MBNL1: variants seen among roughly 807,000 people sequenced by gnomAD.
MBNL1 encodes the protein muscleblind like splicing regulator 1.
A neutral mutation model predicts 42.2 loss-of-function variants in MBNL1; 8 were observed. The observed-to-expected ratio is 0.19, with a 90% CI of 0.11 to 0.34. The LOEUF is 0.34. Ranked by LOEUF, MBNL1 falls within the 10% of genes least tolerant of loss-of-function variation. MBNL1 has a pLI of 1.00. For missense variants in MBNL1, 309 were observed against 495.3 expected, an observed-to-expected ratio of 0.62 and a Z score of 3.57; for synonymous variants, 169 against 173.9, an observed-to-expected ratio of 0.97 and a Z score of 0.22.
intron 2 of MBNL1, among the ~76,000 whole-genome samples, chr3:152,405,989 T>G (rs181537008): frequency 2.6e-5 from 4 of 152,302 alleles, no homozygotes; most frequent in Admixed American, 2.6e-4. Context: ...AGAAACATAG[T>G]GATCTGCCAT....
rs187886754 is a variant in MBNL1, at chr3:152,418,196, C to T, written c.345+3085C>T. 1.1e-4 allele frequency among the ~76,000 whole-genome samples: 17 copies of T among 152,236 alleles called. No homozygotes were observed. The East Asian group carries it at 2.1e-3, about 19-fold the overall frequency. On this transcript the variant is annotated intron_variant, in intron 3 of 9. Transcript: ENST00000324210. The stretch of plus-strand genomic sequence containing the variant: ...ACCATCCTTTAAAGTAGTAATGTTA[C>T]CCTAAATTTAGAGATAGACTGAGAA...
intron 2 of MBNL1, among the ~76,000 whole-genome samples, chr3:152,345,247 A>G (rs368522248): frequency 6.6e-6 from 1 of 152,144 alleles, no homozygotes; most frequent in Non-Finnish European, 1.5e-5. Context: ...GAAATAACTT[A>G]GATACCTTGA....
At position 152,389,783 on chromosome 3, in the gene MBNL1, A is replaced by G. The variant is rs561879945; in HGVS notation, c.175-25158A>G. Among the ~76,000 whole-genome samples, 4 of 152,332 alleles carry G rather than the reference A, an allele frequency of 2.6e-5. No homozygotes were observed. In the South Asian group the frequency reaches 8.3e-4, roughly 32 times the overall value. ...GTGAAGGCCTCAGAGATTACTATACATGACTGTTGGCTTTACAAACACTGT... is the reference window on the plus strand; with the variant it reads ...GTGAAGGCCTCAGAGATTACTATACGTGACTGTTGGCTTTACAAACACTGT... On this transcript the variant is annotated intron_variant, in intron 2 of 9. Transcript: ENST00000324210.
At chr3:152,274,326 C>A (rs956354444) in intron 1 of MBNL1, among the ~76,000 whole-genome samples, 1 of 151,982 alleles carries the variant, frequency 6.6e-6, no homozygotes, top group Non-Finnish European at 1.5e-5. Context: ...TGAAAAAATA[C>A]CACAGTAGAC....
intron 2 of MBNL1, among the ~76,000 whole-genome samples, chr3:152,396,687 C>T (rs2097958210): frequency 6.6e-6 from 1 of 152,060 alleles, no homozygotes; most frequent in Non-Finnish European, 1.5e-5. Flanking sequence ...TTATTGCAGC[C>T]CTACCTTGAC....
intron 2 of MBNL1, among the ~76,000 whole-genome samples, chr3:152,382,717 A>G (rs2097233538): frequency 6.6e-6 from 1 of 152,078 alleles, no homozygotes; most frequent in Admixed American, 6.6e-5. Context: ...TTTCTGTTCC[A>G]TTATCTTTTC....
At chr3:152,255,849 A>G (rs529802892) in intron 2 of MBNL1, among the ~76,000 whole-genome samples, 13 of 152,282 alleles carry the variant, frequency 8.5e-5, no homozygotes, top group Admixed American at 2.6e-4. Flanking sequence ...CACCATGCAG[A>G]CGACTCCAGG....
chr3:152,400,406 G>A (rs1287473690), intron 2 of MBNL1, among the ~76,000 whole-genome samples: 1 of 152,164 alleles, frequency 6.6e-6, no homozygotes, highest in Non-Finnish European at 1.5e-5. Context: ...AACTGCCTAA[G>A]ACCTCTAGCC....
intron 6 of MBNL1, among the ~76,000 whole-genome samples, chr3:152,454,586 ACTAT>A (rs1423728336): frequency 2.0e-5 from 3 of 152,224 alleles, no homozygotes; most frequent in Non-Finnish European, 4.4e-5. Flanking sequence ...GAGAACAAGG[ACTAT>A]CTATATATGC....
intron 2 of MBNL1, chr3:152,396,075 A>G (rs1009659949): frequency 4.9e-6 from 1 of 205,142 alleles, no homozygotes; most frequent in Non-Finnish European, 9.7e-6. Flanking sequence ...TGTGAACCCT[A>G]TTGTGAACTG....
rs376032630 is a variant in MBNL1, at chr3:152,434,841, CT to C, written c.549+1924del. 5.3e-5 allele frequency among the ~76,000 whole-genome samples: 8 copies of C among 152,254 alleles called. No individual in the cohort carries two copies. The East Asian group carries it at 1.4e-3, about 26-fold the overall frequency. On this transcript the variant is annotated intron_variant, in intron 4 of 9. Coordinates refer to ENST00000324210, the MANE Select transcript of MBNL1 (RefSeq NM_021038.5). ...ATATGCTTGTTGGCCACATGTATAT[CT>C]TTCTTTGAAAAGCATCTGTTTATAT...
At chr3:152,386,984 G>T (rs1354411660) in intron 2 of MBNL1, among the ~76,000 whole-genome samples, 4 of 152,076 alleles carry the variant, frequency 2.6e-5, no homozygotes, top group Non-Finnish European at 4.4e-5. Flanking sequence ...TCTGGCTACT[G>T]CAGTGTTGTA....
intron 2 of MBNL1, among the ~76,000 whole-genome samples, chr3:152,302,838 G>A (rs534709231): frequency 1.3e-5 from 2 of 152,182 alleles, no homozygotes; most frequent in East Asian, 3.9e-4. Context: ...CTTGAGCCAT[G>A]AGATGGAGGT....
In MBNL1 at chr3:152,402,031, C is replaced by CAAA. The variant is rs35675539; in HGVS notation, c.175-12895_175-12893dup. Among the ~76,000 whole-genome samples, 79 of 104,498 alleles carry CAAA rather than the reference C, an allele frequency of 7.6e-4. 1 individual carries two copies. Among genetic ancestry groups the CAAA allele is most frequent in the African/African-American group, 2.7e-3 (70 of 25,514 alleles). The allele number at this position is 104,498 out of a possible 152,430, so 68.6% of individuals were successfully genotyped here. ...TGGGTGACAGAGCAAGACTCTGTCT[C>CAAA]AAAAAAAAAAAAAAAAAGATTTACT... On this transcript the variant is annotated intron_variant, in intron 2 of 9. Coordinates refer to ENST00000324210, the MANE Select transcript of MBNL1 (RefSeq NM_021038.5).
At chr3:152,443,395 A>G (rs916505934) in intron 4 of MBNL1, among the ~76,000 whole-genome samples, 2 of 151,512 alleles carry the variant, frequency 1.3e-5, no homozygotes, top group African/African-American at 2.4e-5. Flanking sequence ...GACCTTCTGC[A>G]AGTTTCCTGT....
chr3:152,393,469 A>C (rs1201167008), intron 2 of MBNL1, among the ~76,000 whole-genome samples: 1 of 152,236 alleles, frequency 6.6e-6, no homozygotes, highest in East Asian at 1.9e-4. Flanking sequence ...CTGGAACTGT[A>C]CTGAAACACT....
chr3:152,433,053 C>T, intron 4 of MBNL1, 133 bp downstream of exon 4: 1 of 692,904 alleles, frequency 1.4e-6, no homozygotes. Context: ...GGGTTTGGAA[C>T]ATTTTACTAG....
intron 2 of MBNL1, among the ~76,000 whole-genome samples, chr3:152,245,440 C>G (rs1185138918): frequency 6.6e-6 from 1 of 152,126 alleles, no homozygotes; most frequent in East Asian, 1.9e-4. Flanking sequence ...TGCCTCTGAG[C>G]ATTTTCATAA....
At chr3:152,266,641 A>G (rs2037279562), upstream of MBNL1, 1 of 152,268 alleles carries the variant, frequency 6.6e-6, no homozygotes, top group Non-Finnish European at 1.5e-5. Context: ...ACCTGCTAGC[A>G]GATGCAAAGT....
Sources: allele counts gnomAD v4.1 joint callset (sites outside exome capture counted in the v4.1 genomes callset), GRCh38; gene constraint gnomAD v4.1.1; transcripts MANE v1.5; gene names NCBI Gene and HGNC (gene_info 2026-07-23, HGNC 2026-07-21).